Variants in ATXN7L1 observed in about 807,000 individuals in gnomAD.
The protein encoded by ATXN7L1 is ataxin-7-like protein 1.
In ATXN7L1, 15 loss-of-function variants were observed where a neutral mutation model predicts 70.8. The ratio of observed to expected loss-of-function variants is 0.21; its 90% CI spans 0.14 to 0.33. The LOEUF is 0.33. Among genes scored for constraint, ATXN7L1 ranks in the 10% least tolerant of loss-of-function variants. The probability of loss-of-function intolerance (pLI) is 1.00; values close to 1 mark genes in which losing one functional copy is unlikely to be tolerated. For synonymous variants in ATXN7L1, 440 were observed against 445.1 expected, an observed-to-expected ratio of 0.99 and a Z score of 0.14; for missense variants, 975 against 1,097.1, an observed-to-expected ratio of 0.89 and a Z score of 1.57.
chr7:105,788,608 G>A lies in ATXN7L1; in HGVS notation c.351C>T (p.His117=). 1 of 1,609,632 alleles carries A rather than the reference G, an allele frequency of 6.2e-7. No homozygotes were observed. Among genetic ancestry groups the A allele is most frequent in the South Asian group, 1.1e-5 (1 of 90,994 alleles). Residue 117 remains histidine, a synonymous_variant, in exon 3 of 12, where the codon CAC becomes CAT. Transcript: ENST00000419735. The part of the protein sequence containing the change: ...QVVKPQVFQS[H]CERRHGSMCR... ...ACGGTGCAGGGGTCCACTTACCGCA[G>A]TGCGACTGGAAAACCTGTGGCTTGA...
At chr7:105,837,552 G>C (rs577522460) in intron 2 of ATXN7L1, among the ~76,000 whole-genome samples, 1 of 152,250 alleles carries the variant, frequency 6.6e-6, no homozygotes. Flanking sequence ...ATGGGACCAT[G>C]ACACTGCCTC....
At chr7:105,687,291 T>C (rs1790052393) in intron 3 of ATXN7L1, among the ~76,000 whole-genome samples, 1 of 152,152 alleles carries the variant, frequency 6.6e-6, no homozygotes, top group Non-Finnish European at 1.5e-5. Context: ...AGATTGGTGT[T>C]ATGGGTTAAA....
At chr7:105,807,874 T>A (rs1807848676) in intron 2 of ATXN7L1, among the ~76,000 whole-genome samples, 1 of 152,224 alleles carries the variant, frequency 6.6e-6, no homozygotes, top group African/African-American at 2.4e-5. Context: ...AGAATCATAG[T>A]AAGTAATGTT....
At chr7:105,852,806 C>T (rs565140506) in intron 2 of ATXN7L1, among the ~76,000 whole-genome samples, 10 of 152,096 alleles carry the variant, frequency 6.6e-5, no homozygotes, top group African/African-American at 1.9e-4. Flanking sequence ...GCATTATTCA[C>T]AATGCCCAAA....
At chr7:105,649,379 C>A in intron 4 of ATXN7L1, 1 of 987,490 alleles carries the variant, frequency 1.0e-6, no homozygotes. Flanking sequence ...CTCCCTCATC[C>A]CCCTTGCTAC....
intron 2 of ATXN7L1, among the ~76,000 whole-genome samples, chr7:105,852,317 C>G (rs984178334): frequency 6.6e-6 from 1 of 152,182 alleles, no homozygotes; most frequent in Non-Finnish European, 1.5e-5. Context: ...GAGACCCAAT[C>G]CCAGGAATCT....
rs528996250 is a variant in ATXN7L1, at chr7:105,704,440, T to C, written c.356-39152A>G. On this transcript the variant is annotated intron_variant, in intron 3 of 11. Coordinates refer to ENST00000419735, the MANE Select transcript of ATXN7L1 (RefSeq NM_020725.2). ...AACCTGTTCTTTGCCCTGATTAAGTTAGTACTTCAAAAAGCAACAAATAAC... is the reference window on the plus strand; with the variant it reads ...AACCTGTTCTTTGCCCTGATTAAGTCAGTACTTCAAAAAGCAACAAATAAC... 3.3e-5 allele frequency among the ~76,000 whole-genome samples: 5 copies of C among 152,288 alleles called. No homozygotes were observed. The South Asian group carries it at 1.0e-3, about 32-fold the overall frequency.
chr7:105,760,437 T>C, intron 3 of ATXN7L1: 1 of 985,600 alleles, frequency 1.0e-6, no homozygotes, highest in African/African-American at 1.7e-5. Flanking sequence ...TAGACATGAA[T>C]TCAGGTTTTC....
At chr7:105,656,626 A>C (rs1800688795) in intron 4 of ATXN7L1, among the ~76,000 whole-genome samples, 1 of 145,420 alleles carries the variant, frequency 6.9e-6, no homozygotes, top group South Asian at 2.1e-4. Context: ...ACTGGAGTGC[A>C]GTGGTGTGAT....
At chr7:105,706,566 AAAAAACAAAAAC>A (rs375919209) in intron 3 of ATXN7L1, among the ~76,000 whole-genome samples, 9 of 152,150 alleles carry the variant, frequency 5.9e-5, no homozygotes, top group South Asian at 2.1e-4. Context: ...CCACCACCAA[AAAAAACAAAAAC>A]AAAAACAAAA....
At chr7:105,689,477 C>T (rs941615133) in intron 3 of ATXN7L1, among the ~76,000 whole-genome samples, 2 of 152,150 alleles carry the variant, frequency 1.3e-5, no homozygotes, top group African/African-American at 4.8e-5. Context: ...ACATAAAGGC[C>T]TATAGGTTCT....
chr7:105,837,925 G>A (rs1812649625), intron 2 of ATXN7L1, among the ~76,000 whole-genome samples: 2 of 152,178 alleles, frequency 1.3e-5, no homozygotes, highest in Non-Finnish European at 2.9e-5. Flanking sequence ...GCTCTCGATG[G>A]CGCAGGTCCT....
rs1285864510 is a variant in ATXN7L1, at chr7:105,788,257, G to C, written c.355+347C>G. 4 of 233,090 alleles carry C rather than the reference G, an allele frequency of 1.7e-5. No homozygotes were observed. In the East Asian group the frequency reaches 3.4e-4, roughly 20 times the overall value. The allele number at this position is 233,090 out of a possible 1,614,324, so 14.4% of individuals were successfully genotyped here. On this transcript the variant is annotated intron_variant, in intron 3 of 11. Transcript: ENST00000419735. ...GAGACTCTCTCCTGACCCTCTTTCAGGGGGAGAAAATGTCTGGCTGCAGGA... is the reference window on the plus strand; with the variant it reads ...GAGACTCTCTCCTGACCCTCTTTCACGGGGAGAAAATGTCTGGCTGCAGGA...
chr7:105,782,005 G>A (rs1803603268), intron 3 of ATXN7L1, among the ~76,000 whole-genome samples: 1 of 152,046 alleles, frequency 6.6e-6, no homozygotes, highest in African/African-American at 2.4e-5. Context: ...TAATATTTTT[G>A]TATTTTTGGT....
At chr7:105,785,427 C>T (rs1178094584) in intron 3 of ATXN7L1, among the ~76,000 whole-genome samples, 2 of 152,046 alleles carry the variant, frequency 1.3e-5, no homozygotes, top group Admixed American at 1.3e-4. Context: ...GATTATACCA[C>T]TGCACTACAG....
intron 3 of ATXN7L1, among the ~76,000 whole-genome samples, chr7:105,704,642 G>A (rs1792914174): frequency 1.4e-5 from 2 of 142,406 alleles, no homozygotes; most frequent in Admixed American, 1.5e-4. Context: ...TGCCCAGGCT[G>A]GAGTGCAGTG....
intron 2 of ATXN7L1, among the ~76,000 whole-genome samples, chr7:105,790,563 AGAGT>A (rs1363016144): frequency 6.6e-6 from 1 of 152,142 alleles, no homozygotes; most frequent in African/African-American, 2.4e-5. Flanking sequence ...CCTGGGCAAC[AGAGT>A]GAGACCCTGT....
At chr7:105,664,575 G>GTGTATGTATGTATATGTATATA in intron 4 of ATXN7L1, among the ~76,000 whole-genome samples, 1 of 131,990 alleles carries the variant, frequency 7.6e-6, no homozygotes, top group African/African-American at 2.8e-5. Context: ...GTATGTGTGT[G>GTGTATGTATGTATATGTATATA]TATATATATA....
intron 3 of ATXN7L1, among the ~76,000 whole-genome samples, chr7:105,744,173 C>T (rs575113957): frequency 6.6e-6 from 1 of 152,292 alleles, no homozygotes; most frequent in East Asian, 1.9e-4. Context: ...CACACAGAAA[C>T]AATGATCTAT....
Sources: allele counts gnomAD v4.1 joint callset (sites outside exome capture counted in the v4.1 genomes callset), GRCh38; gene constraint gnomAD v4.1.1; transcripts MANE v1.5; gene names NCBI Gene and HGNC (gene_info 2026-07-23, HGNC 2026-07-21).